Variants in METTL15 observed in about 807,000 individuals in gnomAD.
METTL15 encodes methyltransferase 15, mitochondrial 12S rRNA N4-cytidine.
In METTL15, 34 loss-of-function variants were observed where a neutral mutation model predicts 38.3. That is an observed-to-expected ratio of 0.89 (90% CI 0.68 to 1.18). The LOEUF is 1.18. METTL15 is among the 50% of genes most tolerant of loss of function. The probability of loss-of-function intolerance (pLI) is 0.00; values close to 1 mark genes in which losing one functional copy is unlikely to be tolerated. For missense variants in METTL15, 438 were observed against 498.4 expected (o/e 0.88, Z 1.15); for synonymous variants, 162 against 170.9 (o/e 0.95, Z 0.41).
chr11:28,210,537 CTG>C (rs1032720460), intron 3 of METTL15, among the ~76,000 whole-genome samples: 1 of 151,734 alleles, frequency 6.6e-6, no homozygotes, highest in African/African-American at 2.4e-5. Flanking sequence ...CAGATACAAT[CTG>C]TAAGTTTGTC....
intron 3 of METTL15, among the ~76,000 whole-genome samples, chr11:28,202,751 A>G (rs1852162727): frequency 6.6e-6 from 1 of 152,122 alleles, no homozygotes; most frequent in South Asian, 2.1e-4. Flanking sequence ...AATTGCCAGA[A>G]AAGATTCATA....
chr11:28,326,493 T>G (rs770662566), intron 6 of METTL15, among the ~76,000 whole-genome samples: 8 of 152,144 alleles, frequency 5.3e-5, no homozygotes, highest in Non-Finnish European at 1.2e-4. Flanking sequence ...GTGGTTGGAT[T>G]ATTTTTTCTT....
intron 6 of METTL15, among the ~76,000 whole-genome samples, chr11:28,474,851 C>T (rs1372095618): frequency 6.6e-6 from 1 of 152,246 alleles, no homozygotes; most frequent in East Asian, 1.9e-4. Flanking sequence ...ATTTTAAACT[C>T]CCATGCAGTT....
intron 3 of METTL15, chr11:28,163,716 T>C (rs1850556043): frequency 5.9e-6 from 2 of 338,224 alleles, no homozygotes; most frequent in South Asian, 3.1e-4. Flanking sequence ...TAAATATCTT[T>C]AACTAAAATT....
At chr11:28,465,859 CA>C (rs1851252739) in intron 6 of METTL15, among the ~76,000 whole-genome samples, 1 of 152,116 alleles carries the variant, frequency 6.6e-6, no homozygotes, top group South Asian at 2.1e-4. Context: ...CACTTGTAAC[CA>C]AAAATAAATA....
At chr11:28,327,256 T>C (rs181912944) in intron 6 of METTL15, among the ~76,000 whole-genome samples, 183 of 152,292 alleles carry the variant, frequency 1.2e-3, no homozygotes, top group African/African-American at 4.3e-3. Context: ...ATAATGCAGG[T>C]CAAAATTCCC....
At chr11:28,392,898 A>G (rs1404502717) in intron 5 of METTL15, among the ~76,000 whole-genome samples, 2 of 152,182 alleles carry the variant, frequency 1.3e-5, no homozygotes, top group Non-Finnish European at 2.9e-5. Context: ...AGGCTTATGA[A>G]AAGATGTTGA....
chr11:28,513,870 C>G (rs192933730), intron 6 of METTL15, among the ~76,000 whole-genome samples: 88 of 152,332 alleles, frequency 5.8e-4, no homozygotes, highest in Admixed American at 4.0e-3. Context: ...GTTCTTTGCC[C>G]TCATTCCGGT....
chr11:28,163,216 G>T, intron 3 of METTL15: 1 of 394,340 alleles, frequency 2.5e-6, no homozygotes. Flanking sequence ...GTGTGATAAT[G>T]AGTGGAGAAA....
intron 2 of METTL15, among the ~76,000 whole-genome samples, chr11:28,111,879 T>C (rs189269217): frequency 3.3e-5 from 5 of 152,338 alleles, no homozygotes; most frequent in African/African-American, 1.2e-4. Context: ...TTGTACGCTT[T>C]CCAGAAACCT....
chr11:28,259,144 C>G (rs1023315119), intron 4 of METTL15, among the ~76,000 whole-genome samples: 3 of 152,104 alleles, frequency 2.0e-5, no homozygotes, highest in Admixed American at 2.0e-4. Context: ...GGGTTCCCTT[C>G]TGGCTTACAC....
At chr11:28,391,744 G>C (rs1229940518) in intron 5 of METTL15, among the ~76,000 whole-genome samples, 1 of 152,034 alleles carries the variant, frequency 6.6e-6, no homozygotes, top group Non-Finnish European at 1.5e-5. Context: ...AATGGTGCTG[G>C]GAAAACTGGC....
Position 28,473,641 on chromosome 11 carries a change from G to T in METTL15, c.*424+49277G>T, listed in dbSNP as rs1851320183. ...GTGCAATTTTTGGAGCAGCAACTAT[G>T]GGCCAATCAGAATTGGGACTCAGGA... On this transcript the variant is annotated intron_variant and NMD_transcript_variant, in intron 6 of 7. Transcript: ENST00000532947. 2.0e-5 allele frequency among the ~76,000 whole-genome samples: 3 copies of T among 152,016 alleles called. No homozygotes were observed. In the South Asian group the frequency reaches 6.2e-4, roughly 32 times the overall value.
At chr11:28,173,016 C>G (rs1423760876) in intron 3 of METTL15, among the ~76,000 whole-genome samples, 11 of 152,012 alleles carry the variant, frequency 7.2e-5, no homozygotes, top group Non-Finnish European at 1.5e-5. Context: ...TAACGAAACT[C>G]TTATAAAGAG....
chr11:28,346,437 T>C (rs1389246148), intron 3 of METTL15, among the ~76,000 whole-genome samples: 1 of 152,202 alleles, frequency 6.6e-6, no homozygotes, highest in African/African-American at 2.4e-5. Flanking sequence ...AGGTGTTTCT[T>C]ATGCAATCTG....
intron 3 of METTL15, among the ~76,000 whole-genome samples, chr11:28,116,243 A>G (rs999811790): frequency 6.6e-6 from 1 of 152,138 alleles, no homozygotes; most frequent in Non-Finnish European, 1.5e-5. Flanking sequence ...GGTTGATATA[A>G]TATTGAAAAC....
In METTL15 at chr11:28,377,420, T is replaced by C. The variant is rs544734676; in HGVS notation, c.*358+15384T>C. ...TCATTTCATTCATTTCATCTTCCAT[T>C]GCTGATACCCTTTCTTCCAGTTGAT... On this transcript the variant is annotated intron_variant and NMD_transcript_variant, in intron 5 of 7. Coordinates refer to the METTL15 transcript ENST00000532947. Among the ~76,000 whole-genome samples the C allele has an allele frequency of 2.9e-3, 444 of 152,280 alleles. 3 individuals carry two copies. The highest frequency in any genetic ancestry group is 0.01 in the African/African-American group (421 of 41,560).
At chr11:28,225,553 CT>C (rs1853444136) in intron 4 of METTL15, among the ~76,000 whole-genome samples, 2 of 146,512 alleles carry the variant, frequency 1.4e-5, no homozygotes, top group African/African-American at 5.0e-5. Flanking sequence ...TTTTTTTTTT[CT>C]TTTTTATTTC....
At chr11:28,476,869 A>G (rs1851351186) in intron 6 of METTL15, among the ~76,000 whole-genome samples, 1 of 152,208 alleles carries the variant, frequency 6.6e-6, no homozygotes, top group Non-Finnish European at 1.5e-5. Flanking sequence ...AGAACAAATC[A>G]TATTGTGAGC....
Sources: allele counts gnomAD v4.1 joint callset (sites outside exome capture counted in the v4.1 genomes callset), GRCh38; gene constraint gnomAD v4.1.1; transcripts MANE v1.5; gene names NCBI Gene and HGNC (gene_info 2026-07-23, HGNC 2026-07-21).